LTBP1: variants seen among roughly 807,000 people sequenced by gnomAD.
LTBP1 encodes latent transforming growth factor beta binding protein 1.
In LTBP1, 129 loss-of-function variants were observed where a neutral mutation model predicts 207.6. That is an observed-to-expected ratio of 0.62 (90% confidence interval 0.54 to 0.72). The LOEUF (loss-of-function observed/expected upper bound fraction) is 0.72. Among genes scored for constraint, LTBP1 ranks in the 30% least tolerant of loss-of-function variants. The probability of loss-of-function intolerance (pLI) is 0.00; values close to 1 mark genes in which losing one functional copy is unlikely to be tolerated. For synonymous variants in LTBP1, 963 were observed against 833.7 expected (o/e 1.16, Z -2.67); for missense variants, 2,281 against 2,217.2 (o/e 1.03, Z -0.58).
chr2:33,301,605 C>G lies in LTBP1; in HGVS notation c.3442C>G (p.Gln1148Glu). The change falls in exon 22 of 34, where the codon CAG becomes GAG. Residue 1148 changes from glutamine (Q) to glutamate (E), a missense_variant. Coordinates refer to ENST00000404816, the MANE Select transcript of LTBP1 (RefSeq NM_206943.4). ...GGGCTCTTTTCAATGTGTGTGTGAC[C>G]AGGGTTACAGAGCATCTGGGCTTGG... is the stretch of plus-strand genomic sequence containing the variant. ...TEGSFQCVCD[Q>E]GYRASGLGDH... The G allele has an allele frequency of 6.2e-7, 1 of 1,611,034 alleles. No homozygotes were observed. Among genetic ancestry groups the G allele is most frequent in the Non-Finnish European group, 8.5e-7 (1 of 1,178,614 alleles).
At chr2:33,337,800 C>T (rs541101961) in intron 24 of LTBP1, among the ~76,000 whole-genome samples, 42 of 152,324 alleles carry the variant, frequency 2.8e-4, no homozygotes, top group African/African-American at 6.0e-4. Flanking sequence ...AATATAGTTT[C>T]ATCTTCCAAA....
intron 26 of LTBP1, among the ~76,000 whole-genome samples, chr2:33,357,733 A>G (rs1049779125): frequency 3.3e-5 from 5 of 152,358 alleles, no homozygotes; most frequent in African/African-American, 1.2e-4. Flanking sequence ...ATGCAAATTG[A>G]AAACTTAATC....
chr2:33,243,948 T>C (rs563427890), intron 10 of LTBP1, among the ~76,000 whole-genome samples, 164 bp downstream of exon 10: 1 of 152,316 alleles, frequency 6.6e-6, no homozygotes, highest in Admixed American at 6.5e-5. Context: ...GTAAAATAAA[T>C]TGATATCATG....
chr2:33,154,490 G>T (rs2083791497), intron 5 of LTBP1, among the ~76,000 whole-genome samples: 1 of 152,128 alleles, frequency 6.6e-6, no homozygotes, highest in African/African-American at 2.4e-5. Context: ...ACCATGCGTT[G>T]TTCAGTTAGC....
At chr2:32,967,142 A>G (rs1680126500) in intron 2 of LTBP1, among the ~76,000 whole-genome samples, 1 of 152,064 alleles carries the variant, frequency 6.6e-6, no homozygotes, top group Admixed American at 6.5e-5. Flanking sequence ...TATTCCTTTA[A>G]CGTTCATAGG....
At chr2:33,378,970 ATTG>A (rs2095178704) in intron 31 of LTBP1, among the ~76,000 whole-genome samples, 2 of 152,184 alleles carry the variant, frequency 1.3e-5, no homozygotes, top group South Asian at 4.1e-4. Flanking sequence ...CTAGAAAGTA[ATTG>A]TTCTGCTAAG....
chr2:33,178,195 GC>G (rs1439021808), intron 5 of LTBP1, among the ~76,000 whole-genome samples: 1 of 152,172 alleles, frequency 6.6e-6, no homozygotes, highest in Non-Finnish European at 1.5e-5. Context: ...AAATGTTGCT[GC>G]GTTTTTCCTA....
rs371081632 is a variant in LTBP1, at chr2:33,041,367, C to G, written c.863+20161C>G. On this transcript the variant is annotated intron_variant, in intron 3 of 33. Transcript: ENST00000404816. ...TGGCATGATCTCGGCTCACTGCAAC[C>G]TCCGCCGCCTGGGTTCAAGCGATTC... is the stretch of plus-strand genomic sequence containing the variant. 3.9e-5 allele frequency among the ~76,000 whole-genome samples: 6 copies of G among 152,278 alleles called. No individual in the cohort carries two copies. The East Asian group carries it at 1.2e-3, about 29-fold the overall frequency.
At position 33,215,188 on chromosome 2, in the gene LTBP1, G is replaced by A. The variant is rs547087705; in HGVS notation, c.1702-2364G>A. 3.9e-3 allele frequency among the ~76,000 whole-genome samples: 601 copies of A among 152,170 alleles called. 4 individuals are homozygous for A. The highest frequency in any genetic ancestry group is 6.4e-3 in the Non-Finnish European group (437 of 68,020). ...TGGTAATGATAGCTGACACATGTAA[G>A]TGCTCAGCTATAATGTTCAGCATTG... On this transcript the variant is annotated intron_variant, in intron 7 of 33. Coordinates refer to ENST00000404816, the MANE Select transcript of LTBP1 (RefSeq NM_206943.4).
intron 2 of LTBP1, among the ~76,000 whole-genome samples, chr2:32,961,834 T>C (rs1679164330): frequency 1.3e-5 from 2 of 151,420 alleles, no homozygotes; most frequent in African/African-American, 4.9e-5. Flanking sequence ...TAATCCCAGA[T>C]ACTTGGGAGG....
intron 7 of LTBP1, among the ~76,000 whole-genome samples, chr2:33,210,151 G>A (rs566163942): frequency 6.6e-6 from 1 of 152,342 alleles, no homozygotes; most frequent in African/African-American, 2.4e-5. Context: ...TGCAAGGCAA[G>A]TAGATATCTG....
At chr2:33,042,955 A>G (rs533323366) in intron 3 of LTBP1, among the ~76,000 whole-genome samples, 2 of 152,312 alleles carry the variant, frequency 1.3e-5, no homozygotes, top group South Asian at 4.1e-4. Context: ...AGCCAGGCCT[A>G]TGGTTTAAGG....
intron 16 of LTBP1, among the ~76,000 whole-genome samples, chr2:33,274,526 T>G (rs960995789): frequency 6.6e-6 from 1 of 152,142 alleles, no homozygotes; most frequent in African/African-American, 2.4e-5. Flanking sequence ...TTGTATACAT[T>G]ATATGTGTCA....
intron 7 of LTBP1, among the ~76,000 whole-genome samples, chr2:33,198,591 A>C (rs1404865950): frequency 1.3e-5 from 2 of 152,208 alleles, no homozygotes; most frequent in Non-Finnish European, 2.9e-5. Flanking sequence ...TTATTGGTCT[A>C]TTCAGAGATT....
intron 13 of LTBP1, among the ~76,000 whole-genome samples, chr2:33,262,052 C>T (rs1327186028): frequency 1.3e-5 from 2 of 152,188 alleles, no homozygotes; most frequent in Admixed American, 1.3e-4. Flanking sequence ...GGAAGCTGAG[C>T]CACGGATGAT....
intron 2 of LTBP1, among the ~76,000 whole-genome samples, chr2:32,995,515 C>G (rs1685123748): frequency 6.6e-6 from 1 of 152,220 alleles, no homozygotes; most frequent in South Asian, 2.1e-4. Flanking sequence ...GGCGCGGTGG[C>G]TCACGCCTGT....
At chr2:33,293,090 C>T in intron 19 of LTBP1, 70 bp from the exon 20 acceptor site, 1 of 1,509,836 alleles carries the variant, frequency 6.6e-7, no homozygotes, top group Non-Finnish European at 9.0e-7. Context: ...CATTTCTAAC[C>T]AAATTTAACT....
chr2:33,291,040 AG>A (rs1207719433), intron 19 of LTBP1, among the ~76,000 whole-genome samples: 2 of 152,234 alleles, frequency 1.3e-5, no homozygotes, highest in Non-Finnish European at 1.5e-5. Flanking sequence ...TCAGGAGCAT[AG>A]TCTCATTAAG....
intron 5 of LTBP1, among the ~76,000 whole-genome samples, chr2:33,172,113 A>C (rs1258883359): frequency 6.6e-6 from 1 of 152,192 alleles, no homozygotes; most frequent in African/African-American, 2.4e-5. Context: ...CGAGCAAAAT[A>C]ACCAGCTAAC....
Sources: allele counts gnomAD v4.1 joint callset (sites outside exome capture counted in the v4.1 genomes callset), GRCh38; gene constraint gnomAD v4.1.1; transcripts MANE v1.5; gene names NCBI Gene and HGNC (gene_info 2026-07-23, HGNC 2026-07-21).